Variants in VAV2 observed in about 807,000 individuals in gnomAD.
VAV2 encodes the protein guanine nucleotide exchange factor VAV2.
Under a neutral mutation model 132.5 loss-of-function variants are expected in VAV2, and 67 were observed. The ratio of observed to expected loss-of-function variants is 0.51; its 90% CI spans 0.42 to 0.62. The LOEUF (loss-of-function observed/expected upper bound fraction) is 0.62. Ranked by LOEUF, VAV2 falls within the 20% of genes least tolerant of loss-of-function variation. The pLI is 0.00. For synonymous variants in VAV2, 492 were observed against 443.5 expected (o/e 1.11, Z -1.37); for missense variants, 938 against 1,153.6 (o/e 0.81, Z 2.71).
rs1305704638 is a variant in VAV2, at chr9:133,802,278, A to G, written c.836+3803T>C. Among the ~76,000 whole-genome samples the G allele has an allele frequency of 9.4e-6, 1 of 106,032 alleles. No individual in the cohort carries two copies. The highest frequency in any genetic ancestry group is 1.7e-5 in the Non-Finnish European group (1 of 59,948). 69.6% of individuals were successfully genotyped at this position (106,032 alleles called of 152,430 possible). The stretch of plus-strand genomic sequence containing the variant: ...AACACACACGGGCACACATGTATGC[A>G]CACACACACACATGCATGTGCACAC... On this transcript the variant is annotated intron_variant, in intron 9 of 29. Transcript: ENST00000371850. This position sits in a 1 kb window ranked among gnomAD's most constrained non-coding sequence, Gnocchi z 5.8.
intron 4 of VAV2, among the ~76,000 whole-genome samples, chr9:133,816,746 A>T (rs1057379581): frequency 6.6e-6 from 1 of 152,210 alleles, no homozygotes; most frequent in African/African-American, 2.4e-5. Context: ...GAAAACAAAC[A>T]AACAAACAAA....
intron 9 of VAV2, among the ~76,000 whole-genome samples, chr9:133,803,727 C>T (rs796639465): frequency 2.6e-5 from 4 of 152,200 alleles, no homozygotes; most frequent in African/African-American, 4.8e-5. Flanking sequence ...CCTTCACCCC[C>T]GACGAGCTGC....
At chr9:133,876,284 C>A (rs1014467510) in intron 2 of VAV2, among the ~76,000 whole-genome samples, 1 of 152,280 alleles carries the variant, frequency 6.6e-6, no homozygotes, top group Non-Finnish European at 1.5e-5. Context: ...GCATGCATCT[C>A]CCCTGGGATG....
intron 1 of VAV2, among the ~76,000 whole-genome samples, chr9:133,942,141 A>G (rs1210538061): frequency 6.6e-6 from 1 of 152,206 alleles, no homozygotes; most frequent in African/African-American, 2.4e-5. Flanking sequence ...GTTTTACGTT[A>G]TGTGTATTTT....
chr9:133,896,909 A>G (rs536585867), intron 2 of VAV2, among the ~76,000 whole-genome samples: 439 of 152,226 alleles, frequency 2.9e-3, no homozygotes, highest in Non-Finnish European at 4.7e-3. Context: ...CCTGGCTAAC[A>G]TGGTGAAACC....
rs1247077060 is a variant in VAV2 at position 133,763,848 on chromosome 9, T to C, written c.*214A>G. 3 of 596,844 alleles carry C rather than the reference T, an allele frequency of 5.0e-6. No individual in the cohort carries two copies. The highest frequency in any genetic ancestry group is 2.9e-5 in the East Asian group (1 of 34,076). The allele number at this position is 596,844 out of a possible 1,614,324, so 37.0% of individuals were successfully genotyped here. On this transcript the variant is annotated 3_prime_UTR_variant, in exon 30 of 30. Coordinates refer to ENST00000371850, the MANE Select transcript of VAV2 (RefSeq NM_001134398.2). The surrounding 1 kb of genome is among the most constrained non-coding windows in gnomAD (Gnocchi z 6.8). ...GTGGGGCTAGCCCAGGTTTCCTCTA[T>C]GTACAATAGCATACCCAGTGATGGG...
At chr9:133,908,991 G>A (rs535712396) in intron 2 of VAV2, among the ~76,000 whole-genome samples, 1 of 152,354 alleles carries the variant, frequency 6.6e-6, no homozygotes, top group East Asian at 1.9e-4. Context: ...GGACCCACGA[G>A]GAATGATTGG....
rs1837693338 is a variant in VAV2 at position 133,863,820 on chromosome 9, C to G, written c.322-2388G>C. On this transcript the variant is annotated intron_variant, in intron 2 of 29. Coordinates refer to ENST00000371850, the MANE Select transcript of VAV2 (RefSeq NM_001134398.2). This position sits in a 1 kb window ranked among gnomAD's most constrained non-coding sequence, Gnocchi z 5.0. ...AGTGACCCAAAACCCAGGGCAGGGG[C>G]TGCTGGAGCAGACACCGGACCCCTG... 6.6e-6 allele frequency among the ~76,000 whole-genome samples: 1 copy of G among 152,166 alleles called. No individual in the cohort carries two copies. Among genetic ancestry groups the G allele is most frequent in the Non-Finnish European group, 1.5e-5 (1 of 68,012 alleles).
intron 25 of VAV2, 63 bp from the exon 26 acceptor site, chr9:133,772,109 C>A: frequency 7.1e-7 from 1 of 1,413,098 alleles, no homozygotes; most frequent in South Asian, 1.2e-5. Flanking sequence ...GCCCCCTTGG[C>A]AGCCAGGCTC....
chr9:133,814,770 G>A (rs1835493172), intron 4 of VAV2, among the ~76,000 whole-genome samples: 1 of 151,734 alleles, frequency 6.6e-6, no homozygotes, highest in African/African-American at 2.4e-5. Context: ...CCCCATCACA[G>A]GTCGACCAGA....
At position 133,969,487 on chromosome 9, in the gene VAV2, A is replaced by G. The variant is rs185203443; in HGVS notation, c.204+22588T>C. 1.9e-4 allele frequency among the ~76,000 whole-genome samples: 29 copies of G among 152,080 alleles called. No homozygotes were observed. The East Asian group carries it at 5.6e-3, about 30-fold the overall frequency. On this transcript the variant is annotated intron_variant, in intron 1 of 29. Transcript: ENST00000371850. This position sits in a 1 kb window ranked among gnomAD's most constrained non-coding sequence, Gnocchi z 5.1. ...AACCAGCATCAGCACCACTGAGACA[A>G]GAAGCCTGAGGCCAACCAGGGAACC...
intron 23 of VAV2, among the ~76,000 whole-genome samples, chr9:133,776,909 TTCATC>T: frequency 6.6e-6 from 1 of 152,306 alleles, no homozygotes; most frequent in South Asian, 2.1e-4. Flanking sequence ...CCTGCTGCCT[TTCATC>T]ACAGAGCCGA....
rs12342744 is a variant in VAV2 at position 133,828,426 on chromosome 9, C to T, written c.449+5846G>A. Among the ~76,000 whole-genome samples the T allele has an allele frequency of 1.4e-3, 17 of 11,960 alleles. 2 individuals carry two copies. Among genetic ancestry groups the T allele is most frequent in the East Asian group, 3.9e-3 (1 of 254 alleles). 7.8% of individuals were successfully genotyped at this position (11,960 alleles called of 152,430 possible). A position where few individuals can be genotyped will look rare whatever the true frequency, so the allele number is the denominator to read the frequency against. Reference sequence around the variant, plus strand: ...GTGGGGGCATCACCACCTACCGCTGCGCCCACTGGGGCTGACCACTGACCA... The same window carrying T: ...GTGGGGGCATCACCACCTACCGCTGTGCCCACTGGGGCTGACCACTGACCA... On this transcript the variant is annotated intron_variant, in intron 4 of 29. Transcript: ENST00000371850.
At chr9:133,803,370 C>T (rs891160984) in intron 9 of VAV2, among the ~76,000 whole-genome samples, 1 of 152,084 alleles carries the variant, frequency 6.6e-6, no homozygotes, top group Non-Finnish European at 1.5e-5. Context: ...GCTCTCCTGC[C>T]CCCACGTCCC....
At chr9:133,958,929 G>A (rs1436834321) in intron 1 of VAV2, among the ~76,000 whole-genome samples, 1 of 152,242 alleles carries the variant, frequency 6.6e-6, no homozygotes, top group East Asian at 1.9e-4. Context: ...CCCAGGCCAG[G>A]CCTGCGAGGT....
intron 2 of VAV2, among the ~76,000 whole-genome samples, chr9:133,874,300 CAG>C (rs2131912156): frequency 6.6e-6 from 1 of 152,362 alleles, no homozygotes; most frequent in African/African-American, 2.4e-5. Flanking sequence ...CTCTCATTCC[CAG>C]AGACACTCCC....
intron 1 of VAV2, among the ~76,000 whole-genome samples, chr9:133,959,405 C>T (rs1564502733): frequency 6.6e-6 from 1 of 152,148 alleles, no homozygotes; most frequent in South Asian, 2.1e-4. Flanking sequence ...CCAGACTGCT[C>T]CTTCCCAGGG....
intron 2 of VAV2, among the ~76,000 whole-genome samples, chr9:133,895,022 T>TA (rs1239888418): frequency 6.6e-6 from 1 of 150,808 alleles, no homozygotes; most frequent in South Asian, 2.1e-4. Context: ...GAAGATCGCG[T>TA]GGGGGGCGTC....
At position 133,991,963 on chromosome 9, in the gene VAV2, C is replaced by A; in HGVS notation, c.204+112G>T. ...GCCCGCCCGCGTCCCGGAGCCCGGC[C>A]GCCCCAGCCAGGGCGCCTGGGCCGC... On this transcript the variant is annotated intron_variant, in intron 1 of 29. Transcript: ENST00000371850. The surrounding 1 kb of genome is among the most constrained non-coding windows in gnomAD (Gnocchi z 4.8). The A allele has an allele frequency of 1.1e-6, 1 of 930,542 alleles. No individual in the cohort carries two copies. Among genetic ancestry groups the A allele is most frequent in the Non-Finnish European group, 1.3e-6 (1 of 740,776 alleles). The allele number at this position is 930,542 out of a possible 1,614,324, so 57.6% of individuals were successfully genotyped here.
Sources: allele counts gnomAD v4.1 joint callset (sites outside exome capture counted in the v4.1 genomes callset), GRCh38; gene constraint gnomAD v4.1.1; non-coding constraint Gnocchi (gnomAD v3.1); transcripts MANE v1.5; gene names NCBI Gene and HGNC (gene_info 2026-07-23, HGNC 2026-07-21).